The following CD109 variants were observed in gnomAD, a reference collection of about 807,000 sequenced individuals.
CD109 encodes the protein CD109 molecule, also known as CD109 antigen.
In CD109, 149 loss-of-function variants were observed where a neutral mutation model predicts 165.8. The observed-to-expected ratio is 0.90, with a 90% CI of 0.79 to 1.03. The LOEUF (loss-of-function observed/expected upper bound fraction) is 1.03. Ranked by LOEUF, CD109 falls within the 50% of genes least tolerant of loss-of-function variation. The pLI, the probability that CD109 is intolerant of heterozygous loss-of-function variation, is 0.00. For synonymous variants in CD109, 585 were observed against 592.1 expected (o/e 0.99, Z 0.18); for missense variants, 1,712 against 1,677.8 (o/e 1.02, Z -0.36).
In CD109 at chr6:73,730,518, G is replaced by T. The variant is rs771448010; in HGVS notation, c.451G>T (p.Val151Phe). 1.2e-6 allele frequency: 2 copies of T among 1,614,112 alleles called. No homozygotes were observed. The highest frequency in any genetic ancestry group is 2.2e-5 in the East Asian group (1 of 44,888). ...KPKQEVKFRI[V>F]TLFSDFKPYK... is the part of the protein sequence containing the mutation. ...AAAGCAAGAAGTGAAGTTTCGCATT[G>T]TTACACTCTTCTCAGATTTTAAGCC... Residue 151 changes from valine to phenylalanine, a missense_variant, in exon 4 of 33, where the codon GTT becomes TTT. Val to Phe is a conservative substitution (Grantham distance 50). Coordinates refer to ENST00000287097, the MANE Select transcript of CD109 (RefSeq NM_133493.5).
chr6:73,761,014 AACACACACACACACACAC>A (rs577598100), intron 7 of CD109, among the ~76,000 whole-genome samples: 1,615 of 124,398 alleles, frequency 0.013, 10 homozygotes, highest in Middle Eastern at 0.019. Context: ...ACTGTGTCTA[AACACACACACACACACAC>A]ACACACACAC....
Position 73,826,305 on chromosome 6 carries a change from C to T in CD109, c.*2672C>T, listed in dbSNP as rs1430657108. 2 of 152,110 alleles carry T rather than the reference C, an allele frequency of 1.3e-5. No individual in the cohort carries two copies. The highest frequency in any genetic ancestry group is 2.1e-4 in the South Asian group (1 of 4,824). 9.4% of individuals were successfully genotyped at this position (152,110 alleles called of 1,614,324 possible). A position where few individuals can be genotyped will look rare whatever the true frequency, so the allele number is the denominator to read the frequency against. On this transcript the variant is annotated 3_prime_UTR_variant, in exon 33 of 33. Coordinates refer to ENST00000287097, the MANE Select transcript of CD109 (RefSeq NM_133493.5). The stretch of plus-strand genomic sequence containing the variant: ...AATAATATTAAAAAACTCATTTTAC[C>T]ATTAAGATTCCTTATGCTGAAGCTC...
At position 73,823,885 on chromosome 6, in the gene CD109, T is replaced by C; in HGVS notation, c.*252T>C. On this transcript the variant is annotated 3_prime_UTR_variant, in exon 33 of 33. Transcript: ENST00000287097. ...TCCCCTCTCAAAATCTTTTAGAATTTTTTTGGAGGTGTTTGTTTTCTCCAG... is the reference window on the plus strand; with the variant it reads ...TCCCCTCTCAAAATCTTTTAGAATTCTTTTGGAGGTGTTTGTTTTCTCCAG... 1 of 321,726 alleles carries C rather than the reference T, an allele frequency of 3.1e-6. No homozygotes were observed. The highest frequency in any genetic ancestry group is 5.7e-6 in the Non-Finnish European group (1 of 176,186). The allele number at this position is 321,726 out of a possible 1,614,324, so 19.9% of individuals were successfully genotyped here. A position where few individuals can be genotyped will look rare whatever the true frequency, so the allele number is the denominator to read the frequency against.
intron 14 of CD109, among the ~76,000 whole-genome samples, chr6:73,770,411 G>A (rs954192701): frequency 1.3e-5 from 2 of 152,170 alleles, no homozygotes; most frequent in African/African-American, 4.8e-5. Context: ...TATAATCATT[G>A]GCACAGCAGA....
chr6:73,762,314 A>G (rs1773666927), intron 7 of CD109, 70 bp from the exon 8 acceptor site: 1 of 973,718 alleles, frequency 1.0e-6, no homozygotes, highest in Non-Finnish European at 1.6e-6. Flanking sequence ...TGCTATTGAA[A>G]GTAGTATTTT....
At chr6:73,797,735 T>G (rs1775215422) in intron 23 of CD109, among the ~76,000 whole-genome samples, 1 of 152,176 alleles carries the variant, frequency 6.6e-6, no homozygotes, top group Admixed American at 6.5e-5. Context: ...TTTATCTTTA[T>G]TATAATAAAT....
chr6:73,707,844 G>C (rs4464751), intron 2 of CD109, among the ~76,000 whole-genome samples: 1 of 150,878 alleles, frequency 6.6e-6, no homozygotes, highest in Non-Finnish European at 1.5e-5. Flanking sequence ...GTTATTAAAA[G>C]TAATGTCACC....
chr6:73,748,671 G>A (rs1773072944), intron 5 of CD109, among the ~76,000 whole-genome samples: 1 of 152,138 alleles, frequency 6.6e-6, no homozygotes, highest in East Asian at 1.9e-4. Flanking sequence ...AGTAGCTCTG[G>A]GGTAGGAACT....
chr6:73,814,424 T>TGATGTGTC (rs1460487814), intron 29 of CD109, among the ~76,000 whole-genome samples: 1 of 152,128 alleles, frequency 6.6e-6, no homozygotes, highest in Non-Finnish European at 1.5e-5. Flanking sequence ...TACGGCACCT[T>TGATGTGTC]TAACATCAGT....
At chr6:73,819,671 A>G (rs1776045395) in intron 31 of CD109, among the ~76,000 whole-genome samples, 1 of 152,250 alleles carries the variant, frequency 6.6e-6, no homozygotes. Context: ...TCTCAATATA[A>G]TGTTAAATAA....
chr6:73,746,781 T>C (rs1458109248), intron 5 of CD109, among the ~76,000 whole-genome samples: 1 of 152,206 alleles, frequency 6.6e-6, no homozygotes, highest in Non-Finnish European at 1.5e-5. Flanking sequence ...TATTCCCAAG[T>C]CCTGTCACTA....
intron 15 of CD109, among the ~76,000 whole-genome samples, chr6:73,778,776 G>A (rs1215987825): frequency 6.6e-6 from 1 of 151,826 alleles, no homozygotes; most frequent in Non-Finnish European, 1.5e-5. Flanking sequence ...TTAATTTTAT[G>A]CTGGAATGTG....
chr6:73,804,534 T>A (rs753682325), intron 24 of CD109, among the ~76,000 whole-genome samples: 25 of 152,090 alleles, frequency 1.6e-4, no homozygotes, highest in Non-Finnish European at 3.4e-4. Context: ...CGCTCTTAGG[T>A]GGTGGTGTTG....
Position 73,763,584 on chromosome 6 carries a change from A to G in CD109, c.1006A>G (p.Arg336Gly). ...TVTESVTGIS[R>G]NVSTNVFFKQ... ...TGCAATTTCCAAAAAAGGTATTTCA[A>G]GAAATGTAAGCACTAATGTGTTCTT... The change falls in exon 10 of 33, where the codon AGA (arginine) becomes GGA (glycine). Residue 336 changes from arginine (R) to glycine (G), a missense_variant. Physicochemically the swap from Arg to Gly is moderately radical, Grantham distance 125 (BLOSUM62 -2). Transcript: ENST00000287097. The G allele has an allele frequency of 6.4e-7, 1 of 1,553,822 alleles. No individual in the cohort carries two copies. Among genetic ancestry groups the G allele is most frequent in the Non-Finnish European group, 8.8e-7 (1 of 1,142,150 alleles).
At chr6:73,735,733 G>A (rs1315994205) in intron 4 of CD109, among the ~76,000 whole-genome samples, 1 of 152,174 alleles carries the variant, frequency 6.6e-6, no homozygotes, top group Non-Finnish European at 1.5e-5. Context: ...CACTGGTGCT[G>A]TAATATTGAG....
chr6:73,705,483 T>TAA (rs144762325), intron 2 of CD109, among the ~76,000 whole-genome samples: 1 of 151,456 alleles, frequency 6.6e-6, no homozygotes, highest in African/African-American at 2.4e-5. Flanking sequence ...CTACTAAAAA[T>TAA]AAAAAAAAGG....
In CD109 at chr6:73,750,061, G is replaced by A. The variant is rs369593755; in HGVS notation, c.634-6582G>A. Among the ~76,000 whole-genome samples the A allele has an allele frequency of 2.6e-5, 4 of 152,274 alleles. No homozygotes were observed. The South Asian group carries it at 8.3e-4, about 32-fold the overall frequency. Reference sequence around the variant, plus strand: ...CAGTGTTAGTAAGTTCAAAGGTAATGGGGGACTGCGGTAAGAGAGCAGAAA... The same window carrying A: ...CAGTGTTAGTAAGTTCAAAGGTAATAGGGGACTGCGGTAAGAGAGCAGAAA... On this transcript the variant is annotated intron_variant, in intron 5 of 32. Transcript: ENST00000287097.
At chr6:73,758,223 A>G (rs1422661389) in intron 6 of CD109, among the ~76,000 whole-genome samples, 3 of 151,852 alleles carry the variant, frequency 2.0e-5, no homozygotes. Context: ...TCTTATGTTA[A>G]TTGAATGGTG....
At chr6:73,737,087 A>G (rs1464334801) in intron 5 of CD109, among the ~76,000 whole-genome samples, 4 of 152,210 alleles carry the variant, frequency 2.6e-5, no homozygotes, top group Admixed American at 2.6e-4. Flanking sequence ...CATAAACACA[A>G]TGGGATGGAA....
Sources: gnomAD v4.1 joint callset for allele counts (sites outside exome capture counted in the v4.1 genomes callset) on GRCh38, gnomAD v4.1.1 for gene constraint, MANE v1.5 for transcripts, NCBI Gene and HGNC (gene_info 2026-07-23, HGNC 2026-07-21) for gene names.